CCDC62: variants seen among roughly 807,000 people sequenced by gnomAD.
The protein encoded by CCDC62 is coiled-coil domain containing 62, also known as coiled-coil domain-containing protein 62.
Under a neutral mutation model 80.8 loss-of-function variants are expected in CCDC62, and 72 were observed. The ratio of observed to expected loss-of-function variants is 0.89; its 90% confidence interval spans 0.74 to 1.08. The LOEUF is 1.08. CCDC62 is among the 50% of genes least tolerant of loss of function. The pLI is 0.00. For missense variants in CCDC62, 704 were observed against 809.4 expected, an observed-to-expected ratio of 0.87 and a Z score of 1.58; for synonymous variants, 286 against 296.5, an observed-to-expected ratio of 0.96 and a Z score of 0.36.
intron 6 of CCDC62, among the ~76,000 whole-genome samples, chr12:122,794,853 AGGCAGG>A (rs1405543028): frequency 1.3e-5 from 2 of 151,990 alleles, no homozygotes; most frequent in Non-Finnish European, 2.9e-5. Context: ...TTTTTAGTAG[AGGCAGG>A]GTCTCGCTAT....
At chr12:122,785,062 C>G (rs1447483711) in intron 3 of CCDC62, among the ~76,000 whole-genome samples, 5 of 150,746 alleles carry the variant, frequency 3.3e-5, no homozygotes, top group African/African-American at 9.8e-5. Context: ...TCACTTGAAT[C>G]CAGGAGGCAG....
chr12:122,786,406 C>T (rs2030236664), intron 4 of CCDC62, among the ~76,000 whole-genome samples: 2 of 151,810 alleles, frequency 1.3e-5, no homozygotes, highest in South Asian at 4.2e-4. Context: ...CCTCGGCCTC[C>T]CAAAGTGCTG....
intron 3 of CCDC62, among the ~76,000 whole-genome samples, chr12:122,785,236 ATAAT>A (rs2030140068): frequency 6.6e-6 from 1 of 152,350 alleles, no homozygotes; most frequent in African/African-American, 2.4e-5. Context: ...GTTTTTTTAA[ATAAT>A]TGTTGAGTAG....
chr12:122,796,392 C>T (rs1458414493), intron 6 of CCDC62, among the ~76,000 whole-genome samples: 3 of 152,042 alleles, frequency 2.0e-5, no homozygotes, highest in Non-Finnish European at 4.4e-5. Context: ...AATCTTCCCA[C>T]CTCAGCCTCC....
chr12:122,825,425 CA>C (rs1245797280), intron 12 of CCDC62, among the ~76,000 whole-genome samples: 2 of 147,878 alleles, frequency 1.4e-5, no homozygotes, highest in East Asian at 2.0e-4. Context: ...CAGCTCACTG[CA>C]ACCTCCGCCT....
intron 5 of CCDC62, among the ~76,000 whole-genome samples, chr12:122,789,893 C>T (rs1368729833): frequency 1.3e-5 from 2 of 152,064 alleles, no homozygotes; most frequent in Admixed American, 6.6e-5. Context: ...GACTCTGCTT[C>T]TCTTTTTCAG....
At chr12:122,800,546 G>A (rs908278064) in intron 8 of CCDC62, among the ~76,000 whole-genome samples, 12 of 149,914 alleles carry the variant, frequency 8.0e-5, no homozygotes, top group African/African-American at 3.0e-4. Context: ...TCTTGCCTCA[G>A]CCTCCCAAGT....
At position 122,797,364 on chromosome 12, in the gene CCDC62, G is replaced by A. The variant is rs993212157; in HGVS notation, c.830G>A (p.Arg277His). The change falls in exon 7 of 13, where the codon CGC becomes CAC. Residue 277 changes from arginine to histidine, a missense_variant. Transcript: ENST00000253079. ...LLNIAKSKQE[R>H]TNSELHNLRQ... ...AATATTGCGAAGTCAAAGCAAGAACGCACAAATTCAGAACTGCACAATCTG... is the reference window on the plus strand; with the variant it reads ...AATATTGCGAAGTCAAAGCAAGAACACACAAATTCAGAACTGCACAATCTG... The A allele has an allele frequency of 5.6e-6, 9 of 1,597,966 alleles. No individual in the cohort carries two copies. Among genetic ancestry groups the A allele is most frequent in the Non-Finnish European group, 7.7e-6 (9 of 1,166,038 alleles).
chr12:122,824,727 A>G (rs907329585), intron 12 of CCDC62, among the ~76,000 whole-genome samples: 2 of 152,206 alleles, frequency 1.3e-5, no homozygotes, highest in African/African-American at 4.8e-5. Flanking sequence ...TAGCAGCACA[A>G]TTCGCAATTG....
intron 1 of CCDC62, 53 bp downstream of exon 1, chr12:122,774,759 T>C (rs1879306252): frequency 8.3e-7 from 1 of 1,197,770 alleles, no homozygotes; most frequent in Non-Finnish European, 1.1e-6. Flanking sequence ...TGCACATTGG[T>C]CGAAATCTAT....
chr12:122,826,467 T>TG lies in CCDC62; in HGVS notation c.*87dup, dbSNP rs866509684. 1 of 778,396 alleles carries TG rather than the reference T, an allele frequency of 1.3e-6. No homozygotes were observed. Among genetic ancestry groups the TG allele is most frequent in the African/African-American group, 1.7e-5 (1 of 59,218 alleles). The allele number at this position is 778,396 out of a possible 1,614,324, so 48.2% of individuals were successfully genotyped here. A position where few individuals can be genotyped will look rare whatever the true frequency, so the allele number is the denominator to read the frequency against. On this transcript the variant is annotated 3_prime_UTR_variant, in exon 13 of 13. Transcript: ENST00000253079. ...GCAGAAAGCAGACACCAATACTGAA[T>TG]GAATACTTAACCGTAAAACTGAAAG...
chr12:122,779,917 A>G (rs2135527803), intron 2 of CCDC62, among the ~76,000 whole-genome samples: 1 of 151,306 alleles, frequency 6.6e-6, no homozygotes, highest in East Asian at 1.9e-4. Context: ...CAAAAAAAAA[A>G]AAAAAAAAAA....
At chr12:122,801,035 T>TTAGCTCTACTGAGTTTTGGGTGAA in intron 8 of CCDC62, 89 bp from the exon 9 acceptor site, 1 of 1,365,340 alleles carries the variant, frequency 7.3e-7, no homozygotes, top group Non-Finnish European at 1.0e-6. Flanking sequence ...TCATTGGGAT[T>TTAGCTCTACTGAGTTTTGGGTGAA]TAGCTCTACT....
intron 7 of CCDC62, among the ~76,000 whole-genome samples, chr12:122,797,778 G>T (rs1261607766): frequency 8.5e-5 from 13 of 152,074 alleles, no homozygotes; most frequent in African/African-American, 2.4e-5. Flanking sequence ...CTGACCTCAT[G>T]ACCCGCCCAC....
intron 11 of CCDC62, among the ~76,000 whole-genome samples, chr12:122,817,189 C>T (rs949108673): frequency 6.7e-5 from 10 of 150,244 alleles, no homozygotes; most frequent in African/African-American, 2.4e-4. Context: ...GTAGCTGGGA[C>T]TACAGGCACC....
chr12:122,778,246 C>T (rs1161389412), intron 2 of CCDC62, among the ~76,000 whole-genome samples: 2 of 151,402 alleles, frequency 1.3e-5, no homozygotes, highest in Admixed American at 6.6e-5. Context: ...CTCAGCTACT[C>T]GGGAGGCAGA....
At chr12:122,778,353 C>CAAA (rs34065757) in intron 2 of CCDC62, among the ~76,000 whole-genome samples, 3 of 118,208 alleles carry the variant, frequency 2.5e-5, no homozygotes, top group African/African-American at 5.8e-5. Context: ...GACCCTGTCC[C>CAAA]AAAAAAAAAA....
intron 3 of CCDC62, among the ~76,000 whole-genome samples, chr12:122,785,161 G>C (rs887794018): frequency 5.9e-5 from 9 of 151,962 alleles, no homozygotes; most frequent in African/African-American, 2.2e-4. Flanking sequence ...AAAGCCTGAT[G>C]GTTATTTTTC....
At position 122,792,028 on chromosome 12, in the gene CCDC62, A is replaced by G. The variant is rs1344079032; in HGVS notation, c.679A>G (p.Asn227Asp). The change falls in exon 6 of 13, where the codon AAT (asparagine) becomes GAT (aspartate). Residue 227 changes from asparagine (N) to aspartate (D), a missense_variant. Physicochemically the swap from Asn to Asp is conservative, Grantham distance 23 (BLOSUM62 1). Transcript: ENST00000253079. ...IEVNKLKEDL[N>D]EKTTENNEQR... is the part of the protein sequence containing the mutation. ...TTTCTTCTGTTGTGAAGAGGACCTCAATGAAAAGACGACAGAAAATAATGA... is the reference window on the plus strand; with the variant it reads ...TTTCTTCTGTTGTGAAGAGGACCTCGATGAAAAGACGACAGAAAATAATGA... 1 of 1,612,850 alleles carries G rather than the reference A, an allele frequency of 6.2e-7. No homozygotes were observed. Among genetic ancestry groups the G allele is most frequent in the Non-Finnish European group, 8.5e-7 (1 of 1,179,004 alleles).
Sources: gnomAD v4.1 joint callset for allele counts (sites outside exome capture counted in the v4.1 genomes callset) on GRCh38, gnomAD v4.1.1 for gene constraint, MANE v1.5 for transcripts, NCBI Gene and HGNC (gene_info 2026-07-23, HGNC 2026-07-21) for gene names.